The following ANO1 variants were observed in gnomAD, a reference collection of about 807,000 sequenced individuals.
ANO1 encodes anoctamin-1.
A neutral mutation model predicts 124.0 loss-of-function variants in ANO1; 59 were observed. That is an observed-to-expected ratio of 0.48 (90% CI 0.39 to 0.59). The LOEUF is 0.59. Ranked by LOEUF, ANO1 falls within the 20% of genes least tolerant of loss-of-function variation. The pLI is 0.00. For synonymous variants in ANO1, 529 were observed against 532.0 expected, an observed-to-expected ratio of 0.99 and a Z score of 0.08; for missense variants, 1,059 against 1,328.0, an observed-to-expected ratio of 0.80 and a Z score of 3.15.
chr11:69,969,157 G>A, the ANO1 span, among the ~76,000 whole-genome samples: 1 of 152,228 alleles, frequency 6.6e-6, no homozygotes, highest in Non-Finnish European at 1.5e-5. Flanking sequence ...AGGGCTGCAG[G>A]GCCACGGGAG....
chr11:70,043,459 T>C (rs1290758648), intron 1 of ANO1, among the ~76,000 whole-genome samples: 1 of 152,096 alleles, frequency 6.6e-6, no homozygotes, highest in Non-Finnish European at 1.5e-5. Flanking sequence ...ATGAGAAGTA[T>C]AAGCCCACAA....
chr11:70,016,110 C>T (rs1555001937), intron 1 of ANO1, among the ~76,000 whole-genome samples: 3 of 151,938 alleles, frequency 2.0e-5, no homozygotes, highest in Admixed American at 2.0e-4. Flanking sequence ...TCACCGCAAC[C>T]TCTGCCTCCT....
At position 70,108,554 on chromosome 11, in the gene ANO1, G is replaced by C. The variant is rs185890353; in HGVS notation, c.799+150G>C. On this transcript the variant is annotated intron_variant, in intron 6 of 25. Coordinates refer to ENST00000355303, the MANE Select transcript of ANO1 (RefSeq NM_018043.7). ...TGTAACAGTTCCAGACAAGAGGGCTGGGTTGGGAGCGTGCAGGGCAGTTTT... is the reference window on the plus strand; with the variant it reads ...TGTAACAGTTCCAGACAAGAGGGCTCGGTTGGGAGCGTGCAGGGCAGTTTT... 486 of 854,272 alleles carry C rather than the reference G, an allele frequency of 5.7e-4. 2 individuals are homozygous for C. In the African/African-American group the frequency reaches 7.6e-3, roughly 13 times the overall value. The allele number at this position is 854,272 out of a possible 1,614,324, so 52.9% of individuals were successfully genotyped here.
At chr11:70,118,887 C>T (rs1275693899) in intron 8 of ANO1, among the ~76,000 whole-genome samples, 3 of 129,422 alleles carry the variant, frequency 2.3e-5, no homozygotes, top group Admixed American at 7.8e-5. Context: ...GGTGGGTGAG[C>T]AGGTAGGTGG....
chr11:70,178,354 G>A (rs557513426), intron 22 of ANO1, among the ~76,000 whole-genome samples: 1 of 152,296 alleles, frequency 6.6e-6, no homozygotes, highest in South Asian at 2.1e-4. Flanking sequence ...CTAGTGTGCA[G>A]AGCCCATGTG....
At chr11:70,134,487 A>C (rs1270269969) in intron 11 of ANO1, among the ~76,000 whole-genome samples, 2 of 152,206 alleles carry the variant, frequency 1.3e-5, no homozygotes, top group African/African-American at 4.8e-5. Flanking sequence ...AGGCTGCATG[A>C]GGATCAGAGG....
rs750423795 is a variant in ANO1, at chr11:70,185,711, CT to C, written c.2694+19del. 2.4e-5 allele frequency: 39 copies of C among 1,612,494 alleles called. No individual in the cohort carries two copies. The highest frequency in any genetic ancestry group is 3.0e-5 in the Non-Finnish European group (35 of 1,178,730). Reference sequence around the variant, plus strand: ...CGTCTTCCAGGTGCGGTGGGTCCCTCTTTGTTTCCGGTTTGAAGATGGGAGC... The same window carrying C: ...CGTCTTCCAGGTGCGGTGGGTCCCTCTTGTTTCCGGTTTGAAGATGGGAGC... On this transcript the variant is annotated intron_variant, in intron 25 of 25. Transcript: ENST00000355303.
intron 25 of ANO1, among the ~76,000 whole-genome samples, chr11:70,186,496 C>T (rs2049134827): frequency 6.6e-6 from 1 of 152,164 alleles, no homozygotes; most frequent in Non-Finnish European, 1.5e-5. Context: ...GGGCAGTGGG[C>T]TGTCAGATGA....
At chr11:70,100,258 C>T (rs181265877) in intron 2 of ANO1, among the ~76,000 whole-genome samples, 100 of 152,294 alleles carry the variant, frequency 6.6e-4, no homozygotes, top group Non-Finnish European at 1.2e-3. Context: ...CGGTGGCCCC[C>T]GATCCACATG....
upstream of ANO1, among the ~76,000 whole-genome samples, chr11:69,980,936 C>T (rs1187976932): frequency 7.2e-5 from 11 of 152,054 alleles, no homozygotes; most frequent in Admixed American, 2.0e-4. Flanking sequence ...CCTGTAATCC[C>T]AGCTACTTGG....
intron 21 of ANO1, among the ~76,000 whole-genome samples, chr11:70,169,130 G>A (rs2048361659): frequency 6.6e-6 from 1 of 152,304 alleles, no homozygotes; most frequent in Middle Eastern, 3.4e-3. Flanking sequence ...TAGAGCCCAA[G>A]ACACGAGCAC....
intron 5 of ANO1, among the ~76,000 whole-genome samples, chr11:70,107,294 C>T (rs2045586419): frequency 6.6e-6 from 1 of 152,094 alleles, no homozygotes; most frequent in African/African-American, 2.4e-5. Flanking sequence ...AGCTAGAAGA[C>T]AGAGCCACCG....
At chr11:69,991,202 A>G (rs1030503600) in intron 1 of ANO1, among the ~76,000 whole-genome samples, 5 of 152,192 alleles carry the variant, frequency 3.3e-5, no homozygotes, top group African/African-American at 1.2e-4. Context: ...TTTCAGCACA[A>G]TTTGTTGAAA....
rs1223165980 is a variant in ANO1, at chr11:70,145,075, C to T, written c.1259-4635C>T. On this transcript the variant is annotated intron_variant, in intron 11 of 25. Coordinates refer to ENST00000355303, the MANE Select transcript of ANO1 (RefSeq NM_018043.7). ...CCCTCGGAGGGCAGGAATCGGAACT[C>T]GTGTGGGTGAGGAGGGAGGGCTCAG... Among the ~76,000 whole-genome samples, 5 of 152,278 alleles carry T rather than the reference C, an allele frequency of 3.3e-5. No homozygotes were observed. In the South Asian group the frequency reaches 8.3e-4, roughly 25 times the overall value.
At chr11:70,001,571 GA>G (rs1425466126) in intron 1 of ANO1, among the ~76,000 whole-genome samples, 1 of 152,106 alleles carries the variant, frequency 6.6e-6, no homozygotes, top group African/African-American at 2.4e-5. Context: ...AAAAAGGCCA[GA>G]CACAAAAGGG....
Position 70,165,583 on chromosome 11 carries a change from C to A in ANO1, c.2051+13C>A, listed in dbSNP as rs1433509227. The A allele has an allele frequency of 1.2e-6, 2 of 1,605,774 alleles. No individual in the cohort carries two copies. Among genetic ancestry groups the A allele is most frequent in the East Asian group, 2.2e-5 (1 of 44,588 alleles). On this transcript the variant is annotated intron_variant, in intron 20 of 25. Coordinates refer to ENST00000355303, the MANE Select transcript of ANO1 (RefSeq NM_018043.7). ...AGATCGGCATCCCGTGAGTGTGCTG[C>A]AGCGGGTTAGAGCGGCAGGGGCGGG...
chr11:69,978,455 A>G, the ANO1 span, among the ~76,000 whole-genome samples: 1 of 152,158 alleles, frequency 6.6e-6, no homozygotes. Flanking sequence ...GGCTCAGGTG[A>G]TCCTCCTAGC....
intron 1 of ANO1, among the ~76,000 whole-genome samples, chr11:70,035,086 C>T (rs782407558): frequency 7.9e-5 from 12 of 152,192 alleles, no homozygotes; most frequent in Middle Eastern, 3.4e-3. Context: ...TACCACAGCC[C>T]CTCTTGGCCA....
Position 70,122,423 on chromosome 11 carries a change from T to C in ANO1, c.898-1927T>C, listed in dbSNP as rs559319341. Among the ~76,000 whole-genome samples, 5 of 141,298 alleles carry C rather than the reference T, an allele frequency of 3.5e-5. No homozygotes were observed. The East Asian group carries it at 8.9e-4, about 25-fold the overall frequency. 92.7% of individuals were successfully genotyped at this position (141,298 alleles called of 152,430 possible). The stretch of plus-strand genomic sequence containing the variant: ...CTCTGTCTCTCCATCTGCCTCTGTC[T>C]CTGTCTCTCTCCACCTCCCCACCTC... On this transcript the variant is annotated intron_variant, in intron 8 of 25. Transcript: ENST00000355303.
Sources: gnomAD v4.1 joint callset for allele counts (sites outside exome capture counted in the v4.1 genomes callset) on GRCh38, gnomAD v4.1.1 for gene constraint, MANE v1.5 for transcripts, NCBI Gene and HGNC (gene_info 2026-07-23, HGNC 2026-07-21) for gene names.